ASS1: variants seen among roughly 807,000 people sequenced by gnomAD.
ASS1 encodes argininosuccinate synthase.
A neutral mutation model predicts 60.5 loss-of-function variants in ASS1; 58 were observed. The ratio of observed to expected loss-of-function variants is 0.96; its 90% confidence interval spans 0.78 to 1.19. The LOEUF (loss-of-function observed/expected upper bound fraction) is 1.19. Ranked by LOEUF, ASS1 falls within the 50% of genes most tolerant of loss-of-function variation. The pLI, the probability that ASS1 is intolerant of heterozygous loss-of-function variation, is 0.00. For missense variants in ASS1, 454 were observed against 547.3 expected (o/e 0.83, Z 1.70); for synonymous variants, 200 against 206.9 (o/e 0.97, Z 0.29).
chr9:130,480,341 C>T, intron 10 of ASS1, 44 bp from the exon 11 acceptor site: 2 of 1,612,208 alleles, frequency 1.2e-6, no homozygotes, highest in Non-Finnish European at 8.5e-7. Flanking sequence ...TGACTCTGAG[C>T]CTTGCGGTAG....
intron 1 of ASS1, among the ~76,000 whole-genome samples, chr9:130,446,853 C>T (rs1452825072): frequency 6.6e-6 from 1 of 152,220 alleles, no homozygotes; most frequent in Non-Finnish European, 1.5e-5. Flanking sequence ...AAAGAGGTAA[C>T]TTCGCTGGAA....
Position 130,470,831 on chromosome 9 carries a change from C to A in ASS1, c.496-3C>A. ...CTCCACCTGTGCTGTCTCTTTCCTGCAGCAACACGGGATTCCCATCCCGGT... is the reference window on the plus strand; with the variant it reads ...CTCCACCTGTGCTGTCTCTTTCCTGAAGCAACACGGGATTCCCATCCCGGT... On this transcript the variant is annotated splice_region_variant and splice_polypyrimidine_tract_variant and intron_variant, in intron 6 of 14. Transcript: ENST00000352480. The surrounding 1 kb of genome is among the most constrained non-coding windows in gnomAD (Gnocchi z 4.3). 1 of 1,614,070 alleles carries A rather than the reference C, an allele frequency of 6.2e-7. No individual in the cohort carries two copies. Among genetic ancestry groups the A allele is most frequent in the Non-Finnish European group, 8.5e-7 (1 of 1,179,972 alleles).
intron 5 of ASS1, among the ~76,000 whole-genome samples, chr9:130,465,830 G>C (rs1845726592): frequency 1.3e-5 from 2 of 152,234 alleles, no homozygotes; most frequent in Admixed American, 1.3e-4. Context: ...GTAGCTGCTT[G>C]TTGACTTGCT....
In ASS1 at chr9:130,472,670, G is replaced by GT. The variant is rs556003372; in HGVS notation, c.597+1156dup. On this transcript the variant is annotated intron_variant, in intron 8 of 14. Coordinates refer to ENST00000352480, the MANE Select transcript of ASS1 (RefSeq NM_054012.4). ...TGCCCCCTGGGGGCTGATGGCCCCT[G>GT]TGTGTGGCTGCTGCCTGCTGGTCAC... Among the ~76,000 whole-genome samples the GT allele has an allele frequency of 2.0e-5, 3 of 152,302 alleles. No individual in the cohort carries two copies. The South Asian group carries it at 6.2e-4, about 32-fold the overall frequency.
intron 11 of ASS1, among the ~76,000 whole-genome samples, chr9:130,487,106 A>G (rs1301065599): frequency 1.3e-5 from 2 of 152,190 alleles, no homozygotes; most frequent in Non-Finnish European, 2.9e-5. Context: ...AGGTGAGTCC[A>G]GAGTTTGCAG....
At chr9:130,483,932 T>A (rs1296280818) in intron 11 of ASS1, among the ~76,000 whole-genome samples, 3 of 152,066 alleles carry the variant, frequency 2.0e-5, no homozygotes, top group Non-Finnish European at 4.4e-5. Context: ...GAACAAGGGC[T>A]GTCACCCACT....
chr9:130,463,859 G>C (rs950352499), intron 4 of ASS1, among the ~76,000 whole-genome samples: 1 of 151,938 alleles, frequency 6.6e-6, no homozygotes, highest in African/African-American at 2.4e-5. Context: ...CCAGCTCCAG[G>C]GGGTCAGATG....
At chr9:130,500,937 T>C (rs768944812) in intron 14 of ASS1, 39 bp from the exon 15 acceptor site, 2 of 1,604,276 alleles carry the variant, frequency 1.2e-6, no homozygotes, top group African/African-American at 2.7e-5. Flanking sequence ...GTTGTTATTG[T>C]TAATTTACAT....
At chr9:130,471,980 AC>A (rs1237436924) in intron 8 of ASS1, among the ~76,000 whole-genome samples, 1 of 152,026 alleles carries the variant, frequency 6.6e-6, no homozygotes, top group Admixed American at 6.5e-5. Flanking sequence ...ACCACCGGCC[AC>A]CCTGATCCGG....
At position 130,478,389 on chromosome 9, in the gene ASS1, C is replaced by T. The variant is rs918142417; in HGVS notation, c.689-1327C>T. Among the ~76,000 whole-genome samples the T allele has an allele frequency of 3.9e-5, 6 of 152,124 alleles. No individual in the cohort carries two copies. Among genetic ancestry groups the T allele is most frequent in the South Asian group, 4.1e-4 (2 of 4,820 alleles). On this transcript the variant is annotated intron_variant, in intron 9 of 14. Coordinates refer to ENST00000352480, the MANE Select transcript of ASS1 (RefSeq NM_054012.4). The surrounding 1 kb of genome is among the most constrained non-coding windows in gnomAD (Gnocchi z 4.7). The stretch of plus-strand genomic sequence containing the variant: ...AGGGTGGGAGGCGGGTGGCAGGCTG[C>T]GGAGGGTCCTGGGCACCAGGCTCTG...
intron 11 of ASS1, among the ~76,000 whole-genome samples, chr9:130,482,238 G>C (rs930828007): frequency 6.6e-6 from 1 of 151,982 alleles, no homozygotes; most frequent in Non-Finnish European, 1.5e-5. Flanking sequence ...TGGTACACTG[G>C]AAGTGCTCCA....
chr9:130,464,059 C>T (rs1276743359), intron 4 of ASS1, 52 bp from the exon 5 acceptor site: 18 of 1,604,266 alleles, frequency 1.1e-5, no homozygotes, highest in South Asian at 8.8e-5. Context: ...CTCCCCCAGA[C>T]TCCAGAACCC....
rs1846364604 is a variant in ASS1, at chr9:130,488,575, A to G, written c.839-758A>G. Among the ~76,000 whole-genome samples, 1 of 152,184 alleles carries G rather than the reference A, an allele frequency of 6.6e-6. No homozygotes were observed. Among genetic ancestry groups the G allele is most frequent in the African/African-American group, 2.4e-5 (1 of 41,448 alleles). ...TCTCACTCGGAGATCATCTGTTCCAAGCAGGTTGTTTTCCAAATGGAGGGA... is the reference window on the plus strand; with the variant it reads ...TCTCACTCGGAGATCATCTGTTCCAGGCAGGTTGTTTTCCAAATGGAGGGA... On this transcript the variant is annotated intron_variant, in intron 11 of 14. Coordinates refer to ENST00000352480, the MANE Select transcript of ASS1 (RefSeq NM_054012.4). This position sits in a 1 kb window ranked among gnomAD's most constrained non-coding sequence, Gnocchi z 5.2.
At chr9:130,462,191 G>A (rs1399427287) in intron 4 of ASS1, among the ~76,000 whole-genome samples, 1 of 152,140 alleles carries the variant, frequency 6.6e-6, no homozygotes. Context: ...ATATGATTCT[G>A]AGACTCTAGC....
chr9:130,464,127 G>A lies in ASS1; in HGVS notation c.380G>A (p.Arg127Gln), dbSNP rs201623252. Residue 127 changes from arginine (R) to glutamine (Q), a missense_variant, in exon 5 of 15, where the codon CGG becomes CAG. Arg to Gln is a conservative substitution (Grantham distance 43, BLOSUM62 1). Transcript: ENST00000352480. ...GCATTGCAGGGGAACGATCAGGTCC[G>A]GTTTGAGCTCAGCTGCTACTCACTG... is the stretch of plus-strand genomic sequence containing the variant. ...GATGKGNDQV[R>Q]FELSCYSLAP... 6.2e-6 allele frequency: 10 copies of A among 1,613,924 alleles called. No individual in the cohort carries two copies. The highest frequency in any genetic ancestry group is 1.7e-5 in the Admixed American group (1 of 59,996).
chr9:130,450,844 A>C (rs1021679973), intron 1 of ASS1, among the ~76,000 whole-genome samples: 5 of 152,222 alleles, frequency 3.3e-5, no homozygotes, highest in Admixed American at 2.6e-4. Flanking sequence ...AGTAGTGTCT[A>C]ATAAAGACCC....
chr9:130,467,001 C>A (rs186094891), intron 6 of ASS1, among the ~76,000 whole-genome samples: 8 of 152,244 alleles, frequency 5.3e-5, no homozygotes, highest in African/African-American at 1.9e-4. Flanking sequence ...ATCTGCCAGC[C>A]CGTTGCCAGG....
intron 10 of ASS1, 23 bp from the exon 11 acceptor site, chr9:130,480,362 T>C: frequency 1.2e-6 from 2 of 1,614,116 alleles, no homozygotes; most frequent in Non-Finnish European, 1.7e-6. Context: ...CGCCCGAACC[T>C]AATGGACCAG....
Position 130,489,244 on chromosome 9 carries a change from T to A in ASS1, c.839-89T>A, listed in dbSNP as rs1846385877. ...CTGTCAGACGACTCATTATTATTAT[T>A]ATTTTTTTTTTTGTCATTTGCTGAC... On this transcript the variant is annotated intron_variant, in intron 11 of 14. Coordinates refer to ENST00000352480, the MANE Select transcript of ASS1 (RefSeq NM_054012.4). The surrounding 1 kb of genome is among the most constrained non-coding windows in gnomAD (Gnocchi z 4.1). 8.3e-7 allele frequency: 1 copy of A among 1,205,510 alleles called. No individual in the cohort carries two copies. The highest frequency in any genetic ancestry group is 1.2e-6 in the Non-Finnish European group (1 of 859,910). The allele number at this position is 1,205,510 out of a possible 1,614,324, so 74.7% of individuals were successfully genotyped here. A position where few individuals can be genotyped will look rare whatever the true frequency, so the allele number is the denominator to read the frequency against.
Sources: allele counts gnomAD v4.1 joint callset (sites outside exome capture counted in the v4.1 genomes callset), GRCh38; gene constraint gnomAD v4.1.1; non-coding constraint Gnocchi (gnomAD v3.1); transcripts MANE v1.5; gene names NCBI Gene and HGNC (gene_info 2026-07-23, HGNC 2026-07-21).